Variants in KCNQ5 observed in about 807,000 individuals in gnomAD.
The protein encoded by KCNQ5 is potassium voltage-gated channel subfamily KQT member 5.
Under a neutral mutation model 98.2 loss-of-function variants are expected in KCNQ5, and 30 were observed. That is an observed-to-expected ratio of 0.31 (90% CI 0.23 to 0.41). The LOEUF (loss-of-function observed/expected upper bound fraction) is 0.41. Among genes scored for constraint, KCNQ5 ranks in the 10% least tolerant of loss-of-function variants. KCNQ5 has a pLI of 1.00. For missense variants in KCNQ5, 835 were observed against 1,182.5 expected, an observed-to-expected ratio of 0.71 and a Z score of 4.31; for synonymous variants, 458 against 449.4, an observed-to-expected ratio of 1.02 and a Z score of -0.24.
chr6:72,694,392 G>A (rs1408152965), intron 1 of KCNQ5, among the ~76,000 whole-genome samples: 2 of 152,166 alleles, frequency 1.3e-5, no homozygotes, highest in Non-Finnish European at 2.9e-5. Flanking sequence ...TGTAAGAGAT[G>A]CATCCTTACT....
At position 72,817,548 on chromosome 6, in the gene KCNQ5, A is replaced by G. The variant is rs1159855195; in HGVS notation, c.399-186360A>G. Among the ~76,000 whole-genome samples the G allele has an allele frequency of 3.9e-5, 6 of 152,210 alleles. No individual in the cohort carries two copies. In the South Asian group the frequency reaches 6.2e-4, roughly 16 times the overall value. The stretch of plus-strand genomic sequence containing the variant: ...CGCTCAGTGCAATCATGGAACCACA[A>G]TTAAAGCTGGGCAAGACATGGAAGG... On this transcript the variant is annotated intron_variant, in intron 1 of 13. Transcript: ENST00000370398.
rs756767771 is a variant in KCNQ5, at chr6:73,169,877, G to A, written c.1577+23G>A. 4.1e-5 allele frequency: 57 copies of A among 1,385,326 alleles called. No homozygotes were observed. In the Middle Eastern group the frequency reaches 1.1e-3, roughly 26 times the overall value. The allele number at this position is 1,385,326 out of a possible 1,614,324, so 85.8% of individuals were successfully genotyped here. ...CAGGTTGGTGAAAATCTTGAACAAC[G>A]TGATTCAGAGACATACTTATGATTA... On this transcript the variant is annotated intron_variant, in intron 11 of 13. Transcript: ENST00000370398.
intron 1 of KCNQ5, among the ~76,000 whole-genome samples, chr6:72,877,389 A>C (rs900995908): frequency 6.6e-6 from 1 of 152,122 alleles, no homozygotes; most frequent in Non-Finnish European, 1.5e-5. Context: ...GCAAAGGACA[A>C]GATCTCACTC....
Position 72,984,255 on chromosome 6 carries a change from G to A in KCNQ5, c.399-19653G>A, listed in dbSNP as rs139466059. Among the ~76,000 whole-genome samples the A allele has an allele frequency of 2.8e-3, 432 of 152,302 alleles. 5 individuals carry two copies. The highest frequency in any genetic ancestry group is 0.026 in the East Asian group (133 of 5,184). On this transcript the variant is annotated intron_variant, in intron 1 of 13. Transcript: ENST00000370398. ...CTGCTCTCTTCAGAGCTGTCAGACAGGGACGTTTAAATCTGCAGTGGTTTC... is the reference window on the plus strand; with the variant it reads ...CTGCTCTCTTCAGAGCTGTCAGACAAGGACGTTTAAATCTGCAGTGGTTTC...
chr6:72,756,393 CA>C (rs1771973232), intron 1 of KCNQ5, among the ~76,000 whole-genome samples: 2 of 152,144 alleles, frequency 1.3e-5, no homozygotes, highest in Non-Finnish European at 2.9e-5. Flanking sequence ...GCATCTTAAA[CA>C]AATTTTGGAT....
At chr6:73,090,565 T>G (rs1774203277) in intron 5 of KCNQ5, among the ~76,000 whole-genome samples, 1 of 152,222 alleles carries the variant, frequency 6.6e-6, no homozygotes, top group Non-Finnish European at 1.5e-5. Context: ...AAGTCCTTAA[T>G]CCACCTTCAG....
chr6:72,986,652 C>G (rs750815714), intron 1 of KCNQ5: 5 of 788,904 alleles, frequency 6.3e-6, no homozygotes, highest in African/African-American at 1.7e-5. Context: ...TCACCCAATC[C>G]CAGGAAGCAG....
At chr6:73,035,771 T>G (rs1201717714) in intron 2 of KCNQ5, among the ~76,000 whole-genome samples, 1 of 152,236 alleles carries the variant, frequency 6.6e-6, no homozygotes, top group Admixed American at 6.5e-5. Flanking sequence ...TCTAGATTGC[T>G]GGCAATGGCT....
Position 72,922,347 on chromosome 6 carries a change from T to C in KCNQ5, c.399-81561T>C, listed in dbSNP as rs79896683. ...ACAGTTTACAACATGATTTTTAATA[T>C]ATGTATACACTTTGAAATGACTAAA... On this transcript the variant is annotated intron_variant, in intron 1 of 13. Coordinates refer to ENST00000370398, the MANE Select transcript of KCNQ5 (RefSeq NM_019842.4). Among the ~76,000 whole-genome samples the C allele has an allele frequency of 6.6e-3, 1,007 of 152,354 alleles. 6 individuals are homozygous for C. The highest frequency in any genetic ancestry group is 0.031 in the Middle Eastern group (9 of 294).
chr6:73,039,985 A>G (rs1398383054), intron 2 of KCNQ5, among the ~76,000 whole-genome samples: 1 of 151,908 alleles, frequency 6.6e-6, no homozygotes, highest in Non-Finnish European at 1.5e-5. Context: ...GTTTTGCTTT[A>G]TGAATTTTGA....
intron 2 of KCNQ5, among the ~76,000 whole-genome samples, chr6:73,017,796 C>T (rs1770418960): frequency 6.6e-6 from 1 of 152,122 alleles, no homozygotes; most frequent in Non-Finnish European, 1.5e-5. Flanking sequence ...CGCAAGGTCT[C>T]AGCATCATGG....
At chr6:73,162,624 AGG>A (rs781549857) in intron 10 of KCNQ5, among the ~76,000 whole-genome samples, 1 of 152,224 alleles carries the variant, frequency 6.6e-6, no homozygotes, top group Non-Finnish European at 1.5e-5. Context: ...TAGCATTCAG[AGG>A]GGTTTAAGCC....
chr6:73,063,413 G>C (rs996659403), intron 3 of KCNQ5, among the ~76,000 whole-genome samples: 3 of 152,072 alleles, frequency 2.0e-5, no homozygotes, highest in African/African-American at 7.2e-5. Context: ...TCTTGTACAA[G>C]CTTCTCTGGG....
intron 1 of KCNQ5, among the ~76,000 whole-genome samples, chr6:72,633,204 T>C (rs1021924750): frequency 1.3e-5 from 2 of 152,206 alleles, no homozygotes; most frequent in Non-Finnish European, 1.5e-5. Context: ...TTTTTTCATA[T>C]GCTTGGGGGC....
chr6:72,818,599 TATTTG>T (rs1404463101), intron 1 of KCNQ5, among the ~76,000 whole-genome samples: 2 of 151,628 alleles, frequency 1.3e-5, no homozygotes, highest in Non-Finnish European at 2.9e-5. Context: ...GGAAATGTTT[TATTTG>T]ATTTATCTTT....
intron 1 of KCNQ5, among the ~76,000 whole-genome samples, chr6:72,744,520 T>C (rs1435593081): frequency 6.6e-6 from 1 of 151,994 alleles, no homozygotes; most frequent in Non-Finnish European, 1.5e-5. Flanking sequence ...ATAGAAAAAG[T>C]GGTAAGAGGG....
At chr6:72,627,949 C>G (rs9360571) in intron 1 of KCNQ5, among the ~76,000 whole-genome samples, 86,678 of 151,972 alleles carry the variant, frequency 0.57, 26,950 homozygotes, top group Middle Eastern at 0.76. Flanking sequence ...GGTGCCCCTT[C>G]TTTCAGGTTC....
At chr6:72,678,898 C>T (rs1767555019) in intron 1 of KCNQ5, among the ~76,000 whole-genome samples, 1 of 152,128 alleles carries the variant, frequency 6.6e-6, no homozygotes, top group Admixed American at 6.5e-5. Context: ...ACATGAAGCA[C>T]TTCTTTTATC....
At chr6:73,115,519 A>C (rs565776670) in intron 7 of KCNQ5, among the ~76,000 whole-genome samples, 1 of 152,340 alleles carries the variant, frequency 6.6e-6, no homozygotes, top group South Asian at 2.1e-4. Flanking sequence ...CCAAAAGGGG[A>C]TCCTAAATGC....
Sources: gnomAD v4.1 joint callset for allele counts (sites outside exome capture counted in the v4.1 genomes callset) on GRCh38, gnomAD v4.1.1 for gene constraint, MANE v1.5 for transcripts, NCBI Gene and HGNC (gene_info 2026-07-23, HGNC 2026-07-21) for gene names.